Variants in OBSL1 observed in about 807,000 individuals in gnomAD.
OBSL1 encodes the protein obscurin-like protein 1.
A neutral mutation model predicts 172.0 loss-of-function variants in OBSL1; 160 were observed. The ratio of observed to expected loss-of-function variants is 0.93; its 90% CI spans 0.82 to 1.06. The LOEUF (loss-of-function observed/expected upper bound fraction) is 1.06. OBSL1 is among the 50% of genes least tolerant of loss of function. OBSL1 has a pLI of 0.00. For missense variants in OBSL1, 2,681 were observed against 2,715.4 expected (o/e 0.99, Z 0.28); for synonymous variants, 1,200 against 1,196.3 (o/e 1.00, Z -0.06).
At chr2:219,566,689 C>A in intron 5 of OBSL1, 141 bp downstream of exon 5, 2 of 912,390 alleles carry the variant, frequency 2.2e-6, no homozygotes, top group Non-Finnish European at 3.2e-6. Context: ...GACCTCTGAG[C>A]CCTCAACCTC....
Position 219,570,205 on chromosome 2 carries a change from C to A in OBSL1, c.1012+16G>T. ...GACACTCGAGGCCCCTCCCTAGGTC[C>A]CGGGCTCCGCCGTACCTTTCACGTG... On this transcript the variant is annotated intron_variant, in intron 1 of 20. Transcript: ENST00000404537. The A allele has an allele frequency of 6.6e-7, 1 of 1,521,750 alleles. No individual in the cohort carries two copies. The highest frequency in any genetic ancestry group is 8.8e-7 in the Non-Finnish European group (1 of 1,134,700). 94.3% of individuals were successfully genotyped at this position (1,521,750 alleles called of 1,614,324 possible).
At chr2:219,569,631 C>T (rs1697191483) in intron 1 of OBSL1, among the ~76,000 whole-genome samples, 1 of 152,216 alleles carries the variant, frequency 6.6e-6, no homozygotes, top group Non-Finnish European at 1.5e-5. Flanking sequence ...CATTTGTCCT[C>T]CCTCAAGTCT....
rs35009641 is a variant in OBSL1, at chr2:219,568,235, G to T, written c.1102C>A (p.Arg368Ser). The change falls in exon 2 of 21, where the codon CGC becomes AGC. Residue 368 changes from arginine to serine, a missense_variant. By Grantham distance (110) the Arg-to-Ser change is moderately radical. Around this residue, in one of 5 missense-constraint regions of OBSL1, gnomAD observed 706 missense variants for 695.8 expected, o/e 1.01. Transcript: ENST00000404537. This position sits in a 1 kb window ranked among gnomAD's most constrained non-coding sequence, Gnocchi z 4.1. ...AVLECKVPNSRIPTAWFREDQ... is the reference protein window; with the variant it reads ...AVLECKVPNSSIPTAWFREDQ... The stretch of plus-strand genomic sequence containing the variant: ...TCACGGAACCAGGCCGTGGGGATGC[G>T]GGAGTTGGGTACTTTACATTCCAGC... The T allele has an allele frequency of 1.2e-5, 20 of 1,613,164 alleles. No homozygotes were observed. The highest frequency in any genetic ancestry group is 1.5e-5 in the Non-Finnish European group (18 of 1,179,730).
chr2:219,552,764 G>A, intron 17 of OBSL1, 67 bp from the exon 18 acceptor site: 2 of 1,512,660 alleles, frequency 1.3e-6, no homozygotes, highest in South Asian at 2.4e-5. Flanking sequence ...CCCCCTCCAC[G>A]CCCCCTTTCT....
At chr2:219,563,764 G>A in intron 6 of OBSL1, 137 bp from the exon 7 acceptor site, 1 of 938,206 alleles carries the variant, frequency 1.1e-6, no homozygotes, top group Non-Finnish European at 1.6e-6. Context: ...AGGGACTCAG[G>A]GACAATGACA....
chr2:219,570,266 T>G lies in OBSL1; in HGVS notation c.967A>C (p.Asn323His), dbSNP rs752452583. 6.3e-7 allele frequency: 1 copy of G among 1,597,498 alleles called. No individual in the cohort carries two copies. The highest frequency in any genetic ancestry group is 8.6e-7 in the Non-Finnish European group (1 of 1,169,412). ...DRGLYVCAAR[N>H]SAGQTLSAVQ... ...GCACTGAGCGTCTGGCCCGCCGAGT[T>G]GCGCGCGGCGCAGACGTAGAGCCCA... The change falls in exon 1 of 21, where the codon AAC becomes CAC. Residue 323 changes from asparagine (N) to histidine (H), a missense_variant. Physicochemically the swap from Asn to His is moderately conservative, Grantham distance 68. Transcript: ENST00000404537.
chr2:219,555,986 T>C (rs1559136648), intron 14 of OBSL1, 34 bp downstream of exon 14: 1 of 1,604,472 alleles, frequency 6.2e-7, no homozygotes, highest in Non-Finnish European at 8.5e-7. Context: ...TGGTGTAGGG[T>C]GGGTAATGCA....
At chr2:219,548,996 T>C (rs1287913046), downstream of OBSL1, 12 of 738,468 alleles carry the variant, frequency 1.6e-5, no homozygotes, top group South Asian at 7.2e-5. Flanking sequence ...CTCTGAGAGG[T>C]AGGAGACCAG....
downstream of OBSL1, chr2:219,549,594 G>C (rs1029484474): frequency 6.8e-7 from 1 of 1,461,680 alleles, no homozygotes. Context: ...TGGGGTCTCA[G>C]GGCTGTGGAC....
chr2:219,551,028 C>A (rs149788000), intron 20 of OBSL1, 186 bp from the exon 21 acceptor site: 1 of 1,462,014 alleles, frequency 6.8e-7, no homozygotes, highest in Non-Finnish European at 9.0e-7. Context: ...TGGGGCACAG[C>A]GCGGCACCTG....
Position 219,552,638 on chromosome 2 carries a change from C to T in OBSL1, c.5206G>A (p.Ala1736Thr), listed in dbSNP as rs971601403. ...TCCGACACGGTGCACTCGAACGTAG[C>T]GCCGTCGCCTTCGCGGGCGCTCACC... ...RSVSAREGDGATFECTVSEVE... is the reference protein window; with the variant it reads ...RSVSAREGDGTTFECTVSEVE... Residue 1736 changes from alanine (A) to threonine (T), a missense_variant, in exon 18 of 21, where the codon GCT (alanine) becomes ACT (threonine). Around this residue, in one of 5 missense-constraint regions of OBSL1, gnomAD observed 1,765 missense variants for 1,748.3 expected, o/e 1.01. Transcript: ENST00000404537. 5.1e-6 allele frequency: 8 copies of T among 1,556,314 alleles called. No homozygotes were observed. The African/African-American group carries it at 8.1e-5, about 16-fold the overall frequency.
rs1307124957 is a variant in OBSL1, at chr2:219,558,462, G to A, written c.3227-3C>T. ...GTGCACAATCCTCTCTGGTGGGGCT[G>A]GTGGGTGGGCATGGAGAGGGGCACA... On this transcript the variant is annotated splice_region_variant and splice_polypyrimidine_tract_variant and intron_variant, in intron 9 of 20. Coordinates refer to ENST00000404537, the MANE Select transcript of OBSL1 (RefSeq NM_015311.3). 1 of 1,568,908 alleles carries A rather than the reference G, an allele frequency of 6.4e-7. No homozygotes were observed. The highest frequency in any genetic ancestry group is 8.6e-7 in the Non-Finnish European group (1 of 1,159,082).
intron 8 of OBSL1, among the ~76,000 whole-genome samples, chr2:219,561,203 G>T (rs1225096550): frequency 6.6e-6 from 1 of 152,132 alleles, no homozygotes; most frequent in Non-Finnish European, 1.5e-5. Context: ...TTTCAGGGCA[G>T]GGCTGGGAGA....
In OBSL1 at chr2:219,568,352, G is replaced by T; in HGVS notation, c.1013-28C>A. ...GTGGAGAGGGGAGAGAGAGACAAGA[G>T]AGGGCTCTGGAGAAGGCCCAGACTA... is the stretch of plus-strand genomic sequence containing the variant. On this transcript the variant is annotated intron_variant, in intron 1 of 20. Coordinates refer to ENST00000404537, the MANE Select transcript of OBSL1 (RefSeq NM_015311.3). The surrounding 1 kb of genome is among the most constrained non-coding windows in gnomAD (Gnocchi z 4.1). 3.2e-6 allele frequency: 5 copies of T among 1,574,160 alleles called. No homozygotes were observed. Among genetic ancestry groups the T allele is most frequent in the Non-Finnish European group, 2.6e-6 (3 of 1,159,296 alleles).
downstream of OBSL1, chr2:219,547,559 G>A (rs761902062): frequency 6.8e-7 from 1 of 1,465,236 alleles, no homozygotes; most frequent in East Asian, 2.4e-5. Flanking sequence ...GTTTGGCTCG[G>A]TGGTCATCTT....
intron 6 of OBSL1, among the ~76,000 whole-genome samples, chr2:219,564,337 CTCTA>C (rs1445812770): frequency 6.6e-6 from 1 of 152,232 alleles, no homozygotes; most frequent in African/African-American, 2.4e-5. Context: ...TTCTGTTTGA[CTCTA>C]TCTGAGGCAG....
chr2:219,550,812 C>A lies in OBSL1; in HGVS notation c.*23G>T. On this transcript the variant is annotated 3_prime_UTR_variant, in exon 21 of 21. Transcript: ENST00000404537. Reference sequence around the variant, plus strand: ...CGCCTTCCAAGCTGTCCAAGGGCACCCGCCTGGCCTGGTTAGGTTCTCCTA... The same window carrying A: ...CGCCTTCCAAGCTGTCCAAGGGCACACGCCTGGCCTGGTTAGGTTCTCCTA... The A allele has an allele frequency of 6.2e-7, 1 of 1,610,304 alleles. No individual in the cohort carries two copies. Among genetic ancestry groups the A allele is most frequent in the Non-Finnish European group, 8.5e-7 (1 of 1,178,406 alleles).
chr2:219,557,064 A>C, intron 12 of OBSL1: 1 of 479,080 alleles, frequency 2.1e-6, no homozygotes, highest in Non-Finnish European at 3.6e-6. Context: ...AGGTTGAACA[A>C]CTTGGCCAAT....
chr2:219,548,222 A>G (rs1234259172), downstream of OBSL1: 1 of 787,726 alleles, frequency 1.3e-6, no homozygotes, highest in African/African-American at 1.7e-5. Flanking sequence ...GTCTGGGAGG[A>G]TAGCACCCAG....
Sources: gnomAD v4.1 joint callset for allele counts (sites outside exome capture counted in the v4.1 genomes callset) on GRCh38, gnomAD v4.1.1 for gene constraint, gnomAD v4.1.1 regional missense constraint, Gnocchi (gnomAD v3.1) non-coding constraint, MANE v1.5 for transcripts, NCBI Gene and HGNC (gene_info 2026-07-23, HGNC 2026-07-21) for gene names.